Variants in SPATA31H1 observed in about 807,000 individuals in gnomAD.
The protein encoded by SPATA31H1 is spermatogenesis-associated protein 31H1.
the SPATA31H1 span, chr2:27,537,528 G>T: frequency 1.4e-6 from 1 of 717,284 alleles, no homozygotes; most frequent in South Asian, 1.5e-5. Context: ...TGTTTTCCAG[G>T]AATCGGAGCT....
the SPATA31H1 span, among the ~76,000 whole-genome samples, chr2:27,550,319 TGATA>T: frequency 6.6e-6 from 1 of 151,602 alleles, no homozygotes; most frequent in Non-Finnish European, 1.5e-5. Context: ...GTGTAATGTT[TGATA>T]GAGTGTATTT....
the SPATA31H1 span, chr2:27,570,341 T>C: frequency 5.0e-6 from 2 of 398,898 alleles, no homozygotes; most frequent in Middle Eastern, 6.3e-4. Context: ...CATTTCAAAG[T>C]GTAAAATCTG....
At chr2:27,540,754 C>T in the SPATA31H1 span, among the ~76,000 whole-genome samples, 3 of 104,324 alleles carry the variant, frequency 2.9e-5, no homozygotes, top group South Asian at 4.1e-4. Context: ...CCAGACAGGG[C>T]GGCGGGGCAG....
At chr2:27,548,376 G>A in the SPATA31H1 span, among the ~76,000 whole-genome samples, 3 of 151,856 alleles carry the variant, frequency 2.0e-5, no homozygotes, top group African/African-American at 7.3e-5. Context: ...GGGAGACTGA[G>A]GCAGGAGGAT....
At chr2:27,555,717 T>C in the SPATA31H1 span, among the ~76,000 whole-genome samples, 5 of 152,006 alleles carry the variant, frequency 3.3e-5, no homozygotes, top group Non-Finnish European at 7.4e-5. Flanking sequence ...ACTTAGTCTC[T>C]TTTAGCACAT....
At chr2:27,575,433 A>T in the SPATA31H1 span, 4,357 of 398,518 alleles carry the variant, frequency 0.011, 180 homozygotes, top group African/African-American at 0.082. This position sits in a 1 kb window ranked among gnomAD's most constrained non-coding sequence, Gnocchi z 4.1. Flanking sequence ...TATGAAATTC[A>T]ATCTTCAGCA....
the SPATA31H1 span, among the ~76,000 whole-genome samples, chr2:27,541,517 T>G: frequency 6.6e-6 from 1 of 152,116 alleles, no homozygotes; most frequent in African/African-American, 2.4e-5. Context: ...GGCTGGCATA[T>G]AGTAAGTGCT....
At chr2:27,552,205 T>C in the SPATA31H1 span, among the ~76,000 whole-genome samples, 1 of 151,896 alleles carries the variant, frequency 6.6e-6, no homozygotes, top group Non-Finnish European at 1.5e-5. Flanking sequence ...CTTCTGAGAG[T>C]TTTATAGTTT....
At chr2:27,549,072 C>CAAAAAAAAAAA in the SPATA31H1 span, among the ~76,000 whole-genome samples, 1 of 53,304 alleles carries the variant, frequency 1.9e-5, no homozygotes, top group Non-Finnish European at 4.2e-5. Flanking sequence ...GACTCCGTCT[C>CAAAAAAAAAAA]AAAAAAAAAA....
At chr2:27,578,141 T>G in the SPATA31H1 span, 1 of 1,614,096 alleles carries the variant, frequency 6.2e-7, no homozygotes, top group East Asian at 2.2e-5. Context: ...CATTTCAAAT[T>G]GTAAAGTCTG....
At chr2:27,579,075 G>A in the SPATA31H1 span, 23 of 1,614,090 alleles carry the variant, frequency 1.4e-5, no homozygotes, top group African/African-American at 3.1e-4. Context: ...GGAGGAGCTA[G>A]AGAACTCACT....
At chr2:27,574,431 G>C in the SPATA31H1 span, 1 of 398,418 alleles carries the variant, frequency 2.5e-6, no homozygotes, top group African/African-American at 2.1e-5. Flanking sequence ...TGTGAAATCT[G>C]TAGAGCTGGA....
At chr2:27,553,913 ACTCTGT>A in the SPATA31H1 span, among the ~76,000 whole-genome samples, 1 of 151,574 alleles carries the variant, frequency 6.6e-6, no homozygotes, top group Non-Finnish European at 1.5e-5. Flanking sequence ...CAAGAAAAAA[ACTCTGT>A]CTCAAAAAAA....
At chr2:27,551,117 T>C in the SPATA31H1 span, among the ~76,000 whole-genome samples, 3 of 152,094 alleles carry the variant, frequency 2.0e-5, no homozygotes, top group South Asian at 6.2e-4. Context: ...CTCGAACTCC[T>C]GACCTCAAGT....
the SPATA31H1 span, chr2:27,575,389 T>C: frequency 2.5e-6 from 1 of 398,396 alleles, no homozygotes; most frequent in Admixed American, 4.4e-5. The surrounding 1 kb of genome is among the most constrained non-coding windows in gnomAD (Gnocchi z 4.1). Flanking sequence ...TCTTCAGAAT[T>C]ATGCACAGGG....
At chr2:27,580,077 A>C in the SPATA31H1 span, 1 of 1,614,206 alleles carries the variant, frequency 6.2e-7, no homozygotes, top group South Asian at 1.1e-5. Flanking sequence ...TCTTGGCTTT[A>C]GGCTGAGAAT....
chr2:27,574,059 G>A, the SPATA31H1 span: 27 of 398,442 alleles, frequency 6.8e-5, no homozygotes, highest in Middle Eastern at 6.3e-4. Context: ...CCCATATTAT[G>A]ATTTGACCAC....
chr2:27,547,986 T>C, the SPATA31H1 span, among the ~76,000 whole-genome samples: 1 of 146,378 alleles, frequency 6.8e-6, no homozygotes, highest in African/African-American at 2.5e-5. Flanking sequence ...TTTCTTTTTT[T>C]TTTTTTTTTT....
the SPATA31H1 span, among the ~76,000 whole-genome samples, chr2:27,560,692 C>T: frequency 1.3e-5 from 2 of 152,112 alleles, no homozygotes; most frequent in African/African-American, 4.8e-5. Flanking sequence ...CTCCTGACCT[C>T]GTGATCCGCC....
Sources: gnomAD v4.1 joint callset for allele counts (sites outside exome capture counted in the v4.1 genomes callset) on GRCh38, gnomAD v4.1.1 for gene constraint, Gnocchi (gnomAD v3.1) non-coding constraint, MANE v1.5 for transcripts, NCBI Gene and HGNC (gene_info 2026-07-23, HGNC 2026-07-21) for gene names.